Variants in CDH12 observed in about 807,000 individuals in gnomAD.
CDH12 encodes the protein cadherin-12.
A neutral mutation model predicts 74.1 loss-of-function variants in CDH12; 41 were observed. The ratio of observed to expected loss-of-function variants is 0.55; its 90% CI spans 0.43 to 0.72. The LOEUF is 0.72. Among genes scored for constraint, CDH12 ranks in the 30% least tolerant of loss-of-function variants. The pLI is 0.00. For synonymous variants in CDH12, 399 were observed against 355.0 expected (o/e 1.12, Z -1.39); for missense variants, 945 against 977.2 (o/e 0.97, Z 0.44).
At chr5:22,166,637 C>A (rs1239793885) in intron 4 of CDH12, among the ~76,000 whole-genome samples, 1 of 151,988 alleles carries the variant, frequency 6.6e-6, no homozygotes, top group Non-Finnish European at 1.5e-5. Context: ...CCAAATTATG[C>A]AAAAATATGT....
intron 1 of CDH12, among the ~76,000 whole-genome samples, chr5:22,677,772 C>G (rs536804446): frequency 5.9e-4 from 89 of 152,134 alleles, no homozygotes; most frequent in Non-Finnish European, 1.2e-3. Context: ...TATTGTTTGT[C>G]TTAGTTTGGG....
chr5:22,182,098 G>T (rs1749679921), intron 4 of CDH12, among the ~76,000 whole-genome samples: 1 of 151,930 alleles, frequency 6.6e-6, no homozygotes, highest in Admixed American at 6.6e-5. Context: ...TAAAGACTAG[G>T]TTTATAGTTT....
At position 21,880,448 on chromosome 5, in the gene CDH12, TTCC is replaced by T. The variant is rs1431123077; in HGVS notation, c.527-25661_527-25659del. ...ATATACAATGCTTTTCCTTCCTTCT[TTCC>T]TTCCTTCCTTCCTTCTTTCCTTCCT... On this transcript the variant is annotated intron_variant, in intron 6 of 14. Coordinates refer to ENST00000382254, the MANE Select transcript of CDH12 (RefSeq NM_004061.5). Among the ~76,000 whole-genome samples the T allele has an allele frequency of 5.6e-5, 8 of 142,766 alleles. No individual in the cohort carries two copies. In the East Asian group the frequency reaches 1.1e-3, roughly 20 times the overall value. 93.7% of individuals were successfully genotyped at this position (142,766 alleles called of 152,430 possible).
rs1176227757 is a variant in CDH12, at chr5:21,959,752, CAAAAAA to C, written c.526+15333_526+15338del. Among the ~76,000 whole-genome samples, 215 of 80,824 alleles carry C rather than the reference CAAAAAA, an allele frequency of 2.7e-3. 2 individuals carry two copies. Among genetic ancestry groups the C allele is most frequent in the African/African-American group, 9.3e-3 (206 of 22,106 alleles). The allele number at this position is 80,824 out of a possible 152,430, so 53.0% of individuals were successfully genotyped here. ...GTGAAACCCCATCTCTACTAAAATC[CAAAAAA>C]AAAAAAAAAAAAAAAAAATTAGCTG... On this transcript the variant is annotated intron_variant, in intron 6 of 14. Coordinates refer to ENST00000382254, the MANE Select transcript of CDH12 (RefSeq NM_004061.5).
At position 22,508,805 on chromosome 5, in the gene CDH12, G is replaced by A. The variant is rs142398884; in HGVS notation, c.-522-3441C>T. Among the ~76,000 whole-genome samples, 423 of 152,194 alleles carry A rather than the reference G, an allele frequency of 2.8e-3. 2 individuals are homozygous for A. Among genetic ancestry groups the A allele is most frequent in the Middle Eastern group, 0.024 (7 of 294 alleles). ...ACCTTTCTGGAGCAAACCAATGTAT[G>A]TCTTACATGTATTTGATTGATGTCT... On this transcript the variant is annotated intron_variant, in intron 1 of 14. Transcript: ENST00000382254.
chr5:22,794,937 T>C (rs1748110070), intron 1 of CDH12, among the ~76,000 whole-genome samples: 1 of 152,164 alleles, frequency 6.6e-6, no homozygotes, highest in African/African-American at 2.4e-5. Context: ...TTTGATGTTA[T>C]ATATATACAT....
intron 6 of CDH12, among the ~76,000 whole-genome samples, chr5:21,941,410 A>G (rs1039218595): frequency 5.3e-5 from 8 of 152,206 alleles, no homozygotes; most frequent in Admixed American, 5.2e-4. Context: ...TTGAACCAAT[A>G]AAATGATTTC....
At chr5:21,981,286 C>T (rs930580386) in intron 5 of CDH12, among the ~76,000 whole-genome samples, 22 of 150,096 alleles carry the variant, frequency 1.5e-4, no homozygotes, top group African/African-American at 5.0e-4. Flanking sequence ...TTCTTCTTGC[C>T]TCCAATATTT....
At chr5:22,338,427 A>C (rs1397216380) in intron 3 of CDH12, among the ~76,000 whole-genome samples, 1 of 152,108 alleles carries the variant, frequency 6.6e-6, no homozygotes, top group Admixed American at 6.5e-5. Flanking sequence ...GAGGCTGGGA[A>C]GGGTACTGAG....
At chr5:22,360,954 A>G (rs1420582426) in intron 3 of CDH12, among the ~76,000 whole-genome samples, 3 of 152,216 alleles carry the variant, frequency 2.0e-5, no homozygotes, top group Non-Finnish European at 4.4e-5. Flanking sequence ...GCTATTTATG[A>G]AAAACCCACA....
chr5:21,789,177 T>C (rs2149904948), intron 10 of CDH12, among the ~76,000 whole-genome samples: 1 of 152,302 alleles, frequency 6.6e-6, no homozygotes, highest in Admixed American at 6.5e-5. Flanking sequence ...ATTATATATG[T>C]TACATACATA....
intron 10 of CDH12, among the ~76,000 whole-genome samples, chr5:21,793,626 C>T (rs895206863): frequency 8.6e-5 from 13 of 151,616 alleles, no homozygotes; most frequent in African/African-American, 2.9e-4. Context: ...AAGAATGGTG[C>T]CATTTTATGT....
chr5:22,409,398 A>G (rs1233032583), intron 2 of CDH12, among the ~76,000 whole-genome samples: 1 of 152,040 alleles, frequency 6.6e-6, no homozygotes, highest in African/African-American at 2.4e-5. Flanking sequence ...AAAGAGAAAG[A>G]TACCCCATAT....
intron 1 of CDH12, among the ~76,000 whole-genome samples, chr5:22,599,842 T>C (rs1178141166): frequency 2.6e-5 from 4 of 152,174 alleles, no homozygotes; most frequent in Admixed American, 6.5e-5. Flanking sequence ...TCTGCAAAGA[T>C]ATCCTAATAA....
rs13179051 is a variant in CDH12, at chr5:22,716,677, G to A, written c.-523+136381C>T. 7.5e-3 allele frequency among the ~76,000 whole-genome samples: 1,135 copies of A among 151,374 alleles called. 4 individuals are homozygous for A. Among genetic ancestry groups the A allele is most frequent in the Non-Finnish European group, 0.013 (875 of 67,884 alleles). Reference sequence around the variant, plus strand: ...CTTCGGGAGGTATCCAGAAGGCATCGTCATCATGGGAGATGACAGCTTTAT... The same window carrying A: ...CTTCGGGAGGTATCCAGAAGGCATCATCATCATGGGAGATGACAGCTTTAT... On this transcript the variant is annotated intron_variant, in intron 1 of 14. Coordinates refer to ENST00000382254, the MANE Select transcript of CDH12 (RefSeq NM_004061.5).
chr5:21,880,611 C>CT (rs1561268293), intron 6 of CDH12, among the ~76,000 whole-genome samples: 6 of 79,488 alleles, frequency 7.5e-5, no homozygotes, highest in African/African-American at 2.3e-4. Flanking sequence ...TTCCTTCCTT[C>CT]CTTCCTTCTT....
chr5:22,426,434 T>C (rs1164171132), intron 2 of CDH12, among the ~76,000 whole-genome samples: 1 of 152,068 alleles, frequency 6.6e-6, no homozygotes, highest in Non-Finnish European at 1.5e-5. Flanking sequence ...AATTTATAGT[T>C]CTTTTCTATT....
At chr5:22,157,505 T>G (rs1748092001) in intron 4 of CDH12, among the ~76,000 whole-genome samples, 1 of 152,010 alleles carries the variant, frequency 6.6e-6, no homozygotes, top group Non-Finnish European at 1.5e-5. Flanking sequence ...TTTGCAAATA[T>G]GATCTCAAGA....
intron 3 of CDH12, among the ~76,000 whole-genome samples, chr5:22,352,528 G>A (rs1740397260): frequency 6.6e-6 from 1 of 152,146 alleles, no homozygotes; most frequent in South Asian, 2.1e-4. Flanking sequence ...GAGTTTATGA[G>A]CCCTGTAAAG....
Sources: allele counts gnomAD v4.1 joint callset (sites outside exome capture counted in the v4.1 genomes callset), GRCh38; gene constraint gnomAD v4.1.1; transcripts MANE v1.5; gene names NCBI Gene and HGNC (gene_info 2026-07-23, HGNC 2026-07-21).